TOX: variants seen among roughly 807,000 people sequenced by gnomAD.
The protein encoded by TOX is thymocyte selection associated high mobility group box, also known as thymocyte selection-associated high mobility group box protein TOX.
TOX carries 11 observed loss-of-function variants against 53.7 expected under a neutral mutation model. The observed-to-expected ratio is 0.20, with a 90% CI of 0.13 to 0.34. The LOEUF (loss-of-function observed/expected upper bound fraction) is 0.34, where lower values mean the gene tolerates loss of function less well. TOX is among the 10% of genes least tolerant of loss of function. TOX has a pLI of 1.00. For synonymous variants in TOX, 225 were observed against 245.3 expected (o/e 0.92, Z 0.77); for missense variants, 570 against 664.6 (o/e 0.86, Z 1.56).
intron 1 of TOX, among the ~76,000 whole-genome samples, chr8:59,061,490 C>G (rs1164859921): frequency 6.6e-6 from 1 of 152,082 alleles, no homozygotes; most frequent in South Asian, 2.1e-4. Flanking sequence ...CTGTGATGGC[C>G]TCTTCGGTAA....
At position 58,848,753 on chromosome 8, in the gene TOX, G is replaced by T. The variant is rs532836805; in HGVS notation, c.693+2771C>A. Among the ~76,000 whole-genome samples, 6 of 152,176 alleles carry T rather than the reference G, an allele frequency of 3.9e-5. No individual in the cohort carries two copies. In the East Asian group the frequency reaches 1.2e-3, roughly 29 times the overall value. ...TTCCTAGCAATCAAAATCGCGGGTA[G>T]TGTTTATAAGGTGATAATTTATTTT... On this transcript the variant is annotated intron_variant, in intron 4 of 8. Transcript: ENST00000361421.
chr8:58,967,995 T>C (rs1255834809), intron 1 of TOX, among the ~76,000 whole-genome samples: 5 of 152,228 alleles, frequency 3.3e-5, no homozygotes, highest in Middle Eastern at 3.2e-3. Flanking sequence ...ATCGATTCTA[T>C]TTTAATTCCA....
At chr8:58,902,759 T>C (rs932225688) in intron 3 of TOX, among the ~76,000 whole-genome samples, 7 of 152,220 alleles carry the variant, frequency 4.6e-5, no homozygotes, top group African/African-American at 1.4e-4. Flanking sequence ...CAATGATATG[T>C]TGTTCTTTGC....
At chr8:59,087,520 T>C (rs1563442250) in intron 1 of TOX, among the ~76,000 whole-genome samples, 1 of 152,090 alleles carries the variant, frequency 6.6e-6, no homozygotes, top group African/African-American at 2.4e-5. Context: ...TCCAGGTCTG[T>C]CCCCCCCTTT....
chr8:58,987,713 G>C (rs1226933375), intron 1 of TOX, among the ~76,000 whole-genome samples: 1 of 152,170 alleles, frequency 6.6e-6, no homozygotes, highest in African/African-American at 2.4e-5. Flanking sequence ...GTAGTGCCTG[G>C]TGTTTAGCAC....
intron 1 of TOX, among the ~76,000 whole-genome samples, chr8:59,086,567 G>A (rs2219247): frequency 0.31 from 46,809 of 152,060 alleles, 11,819 homozygotes; most frequent in African/African-American, 0.69. Flanking sequence ...TTCCAGGGAC[G>A]TAAAATCATT....
intron 1 of TOX, among the ~76,000 whole-genome samples, chr8:59,086,697 G>A (rs1345635656): frequency 6.6e-6 from 1 of 152,198 alleles, no homozygotes; most frequent in Non-Finnish European, 1.5e-5. Context: ...CAGGTCAAAT[G>A]AGCAAATCTA....
intron 2 of TOX, among the ~76,000 whole-genome samples, chr8:58,959,301 A>G (rs992595044): frequency 1.3e-5 from 2 of 152,240 alleles, no homozygotes; most frequent in Admixed American, 1.3e-4. Context: ...ATAGTCAAAC[A>G]TTTACTTTTA....
chr8:59,009,829 T>G (rs1415191623), intron 1 of TOX, among the ~76,000 whole-genome samples: 2 of 152,264 alleles, frequency 1.3e-5, no homozygotes, highest in Non-Finnish European at 2.9e-5. Context: ...TTTTGCACTT[T>G]GTGCTACCAT....
At chr8:58,866,297 C>G (rs1811100798) in intron 3 of TOX, among the ~76,000 whole-genome samples, 1 of 152,184 alleles carries the variant, frequency 6.6e-6, no homozygotes, top group East Asian at 1.9e-4. Flanking sequence ...ACATACTCAT[C>G]AAGCAGTGGT....
chr8:59,050,968 C>A (rs1050613357), intron 1 of TOX, among the ~76,000 whole-genome samples: 1 of 151,960 alleles, frequency 6.6e-6, no homozygotes, highest in African/African-American at 2.4e-5. Flanking sequence ...ATGAGAGGTG[C>A]CATGCTAGAA....
chr8:59,098,203 C>G (rs1804746798), intron 1 of TOX, among the ~76,000 whole-genome samples: 1 of 152,202 alleles, frequency 6.6e-6, no homozygotes, highest in East Asian at 1.9e-4. Context: ...AACGCCAGAA[C>G]AGTAAGAGAG....
chr8:59,042,442 T>A (rs765064033), intron 1 of TOX, among the ~76,000 whole-genome samples: 1 of 152,234 alleles, frequency 6.6e-6, no homozygotes, highest in Admixed American at 6.5e-5. Flanking sequence ...TGTATATTAA[T>A]CCATAATCTT....
chr8:58,961,877 C>G (rs542765118), intron 1 of TOX, among the ~76,000 whole-genome samples: 1 of 152,310 alleles, frequency 6.6e-6, no homozygotes, highest in African/African-American at 2.4e-5. Flanking sequence ...CCTAACAACT[C>G]AAGACCTAAC....
intron 1 of TOX, among the ~76,000 whole-genome samples, chr8:59,104,395 G>T (rs573459578): frequency 4.9e-4 from 75 of 152,216 alleles, no homozygotes; most frequent in Middle Eastern, 3.4e-3. Context: ...GAGAGCCAAG[G>T]ATGTCGCCCC....
At chr8:59,041,874 T>C (rs1803593100) in intron 1 of TOX, among the ~76,000 whole-genome samples, 1 of 152,252 alleles carries the variant, frequency 6.6e-6, no homozygotes, top group South Asian at 2.1e-4. Flanking sequence ...CTCTTCTACA[T>C]TTAAAATTCT....
intron 1 of TOX, among the ~76,000 whole-genome samples, chr8:59,021,494 A>ATT (rs141033739): frequency 0.14 from 17,011 of 124,788 alleles, 2,191 homozygotes; most frequent in South Asian, 0.17. Context: ...ATATATATAT[A>ATT]TATATGCACA....
At chr8:59,041,709 A>G (rs1301492296) in intron 1 of TOX, among the ~76,000 whole-genome samples, 1 of 152,216 alleles carries the variant, frequency 6.6e-6, no homozygotes, top group Non-Finnish European at 1.5e-5. Context: ...ATATGGTAGG[A>G]AAACAATAGG....
chr8:58,826,173 C>A (rs1047852778), intron 6 of TOX, among the ~76,000 whole-genome samples: 18 of 152,220 alleles, frequency 1.2e-4, no homozygotes, highest in African/African-American at 4.3e-4. Context: ...CCACAGTGAA[C>A]GCAGTAACAG....
Sources: gnomAD v4.1 joint callset for allele counts (sites outside exome capture counted in the v4.1 genomes callset) on GRCh38, gnomAD v4.1.1 for gene constraint, MANE v1.5 for transcripts, NCBI Gene and HGNC (gene_info 2026-07-23, HGNC 2026-07-21) for gene names.